Variants in PCDHA6 observed in about 807,000 individuals in gnomAD.
PCDHA6 encodes the protein protocadherin alpha 6, also known as protocadherin alpha-6.
Under a neutral mutation model 60.3 loss-of-function variants are expected in PCDHA6, and 55 were observed. That is an observed-to-expected ratio of 0.91 (90% CI 0.73 to 1.14). The LOEUF is 1.14. Among genes scored for constraint, PCDHA6 ranks in the 50% most tolerant of loss-of-function variants. The pLI is 0.00. For synonymous variants in PCDHA6, 652 were observed against 557.9 expected (o/e 1.17, Z -2.38); for missense variants, 1,327 against 1,256.5 (o/e 1.06, Z -0.85).
At chr5:140,850,843 CA>C in intron 1 of PCDHA6, 1 of 1,597,346 alleles carries the variant, frequency 6.3e-7, no homozygotes, top group Non-Finnish European at 8.6e-7. Flanking sequence ...GCTGGATCTA[CA>C]GAGCGAACGG....
At chr5:140,971,958 C>CT (rs1176007834) in intron 1 of PCDHA6, among the ~76,000 whole-genome samples, 3 of 152,054 alleles carry the variant, frequency 2.0e-5, no homozygotes, top group African/African-American at 4.8e-5. Context: ...ACTCCAAAAA[C>CT]TTTTTTTCAA....
At chr5:140,970,466 A>G (rs549761303) in intron 1 of PCDHA6, among the ~76,000 whole-genome samples, 51 of 152,334 alleles carry the variant, frequency 3.3e-4, no homozygotes, top group Non-Finnish European at 4.4e-4. Context: ...TTAAGTAGGT[A>G]TAAGGCCAGC....
At chr5:140,850,951 T>C in intron 1 of PCDHA6, 1 of 1,500,264 alleles carries the variant, frequency 6.7e-7, no homozygotes. Flanking sequence ...TATTATCGAT[T>C]ACTCCCAGGG....
Position 140,828,634 on chromosome 5 carries a change from T to C in PCDHA6, c.543T>C (p.Asp181=), listed in dbSNP as rs1769862472. ...GTTCTAGCGAATACTTCGGGCTAGA[T>C]GTGAAAATAAACAGTGATGACAATA... ...KLSSSEYFGL[D]VKINSDDNKQ... Residue 181 remains aspartate, a synonymous_variant, in exon 1 of 4, where the codon GAT becomes GAC. Coordinates refer to ENST00000529310, the MANE Select transcript of PCDHA6 (RefSeq NM_018909.4). 1 of 1,614,188 alleles carries C rather than the reference T, an allele frequency of 6.2e-7. No individual in the cohort carries two copies. Among genetic ancestry groups the C allele is most frequent in the Non-Finnish European group, 8.5e-7 (1 of 1,180,022 alleles).
At chr5:140,855,462 A>C (rs2043478847) in intron 1 of PCDHA6, among the ~76,000 whole-genome samples, 1 of 149,974 alleles carries the variant, frequency 6.7e-6, no homozygotes, top group Admixed American at 6.7e-5. Context: ...AACACCTCAC[A>C]GATAGTTGAT....
chr5:140,873,431 A>G (rs1395359965), intron 1 of PCDHA6, among the ~76,000 whole-genome samples: 1 of 152,228 alleles, frequency 6.6e-6, no homozygotes, highest in African/African-American at 2.4e-5. Context: ...ATTATTTTAT[A>G]TCACATAAAT....
chr5:140,884,935 A>G lies in PCDHA6; in HGVS notation c.2394+54450A>G, dbSNP rs577267570. ...AATAGTTCTAAGTATTTATCTTGCA[A>G]TTGAGCATTTACAAAAAATTCCTCA... On this transcript the variant is annotated intron_variant, in intron 1 of 3. Coordinates refer to ENST00000529310, the MANE Select transcript of PCDHA6 (RefSeq NM_018909.4). Among the ~76,000 whole-genome samples, 4 of 152,344 alleles carry G rather than the reference A, an allele frequency of 2.6e-5. No homozygotes were observed. In the East Asian group the frequency reaches 5.8e-4, roughly 22 times the overall value.
chr5:140,934,868 G>A (rs2090080725), intron 1 of PCDHA6, among the ~76,000 whole-genome samples: 1 of 152,128 alleles, frequency 6.6e-6, no homozygotes, highest in African/African-American at 2.4e-5. Flanking sequence ...CTTTGTGAGT[G>A]TGTTTGTGTA....
intron 1 of PCDHA6, among the ~76,000 whole-genome samples, chr5:140,902,974 AGGTT>A (rs2069912537): frequency 6.6e-6 from 1 of 152,178 alleles, no homozygotes. Context: ...ATGGGCATTT[AGGTT>A]GGTTCCATAT....
intron 1 of PCDHA6, chr5:140,929,369 G>A: frequency 6.6e-7 from 1 of 1,515,248 alleles, no homozygotes; most frequent in Admixed American, 2.2e-5. Context: ...CCCGGAGATG[G>A]CTGCTAGCTG....
chr5:140,850,457 C>A lies in PCDHA6; in HGVS notation c.2394+19972C>A. ...GCCTACTGGTGCTGGTGAAAGACCA[C>A]GGGGAGCCAGCGCTGACGGCCACGG... On this transcript the variant is annotated intron_variant, in intron 1 of 3. Transcript: ENST00000529310. The A allele has an allele frequency of 3.1e-6, 5 of 1,597,798 alleles. 1 individual carries two copies. Among genetic ancestry groups the A allele is most frequent in the Non-Finnish European group, 4.3e-6 (5 of 1,167,620 alleles).
intron 3 of PCDHA6, among the ~76,000 whole-genome samples, chr5:140,999,429 A>G (rs1554256798): frequency 6.6e-6 from 1 of 152,190 alleles, no homozygotes. Flanking sequence ...GAGGCCAAGT[A>G]CCTTGCCTCT....
rs141677964 is a variant in PCDHA6 at position 140,829,924 on chromosome 5, G to A, written c.1833G>A (p.Leu611=). 8 of 1,613,896 alleles carry A rather than the reference G, an allele frequency of 5.0e-6. No individual in the cohort carries two copies. The highest frequency in any genetic ancestry group is 6.8e-6 in the Non-Finnish European group (8 of 1,179,924). Residue 611 remains leucine, a synonymous_variant, in exon 1 of 4, where the codon CTG becomes CTA. Coordinates refer to ENST00000529310, the MANE Select transcript of PCDHA6 (RefSeq NM_018909.4). ...SGYNAWLSYE[L]QPPASSARFP... is the part of the protein sequence containing the mutation. ...ACAACGCGTGGCTTTCGTATGAGCT[G>A]CAGCCCCCGGCAAGCAGCGCTCGCT...
chr5:140,835,129 T>G (rs2150231206), intron 1 of PCDHA6: 1 of 1,358,528 alleles, frequency 7.4e-7, no homozygotes, highest in East Asian at 2.5e-5. Context: ...CTGTATACGG[T>G]GAAATTACCA....
rs782194896 is a variant in PCDHA6 at position 140,992,662 on chromosome 5, G to A, written c.2542+10099G>A. Among the ~76,000 whole-genome samples, 4 of 152,160 alleles carry A rather than the reference G, an allele frequency of 2.6e-5. 1 individual carries two copies. The highest frequency in any genetic ancestry group is 5.9e-5 in the Non-Finnish European group (4 of 68,028). ...GAAAATAGAAGAAAGAGCCTGATTGGTGTGTATGTGTGTGTTAGGGGTTGA... is the reference window on the plus strand; with the variant it reads ...GAAAATAGAAGAAAGAGCCTGATTGATGTGTATGTGTGTGTTAGGGGTTGA... On this transcript the variant is annotated intron_variant, in intron 3 of 3. Transcript: ENST00000529310.
At chr5:140,916,273 G>C (rs962847536) in intron 1 of PCDHA6, among the ~76,000 whole-genome samples, 7 of 152,176 alleles carry the variant, frequency 4.6e-5, no homozygotes, top group African/African-American at 1.7e-4. Flanking sequence ...CATGCTTGTT[G>C]CTCTACTCCA....
rs566522528 is a variant in PCDHA6, at chr5:140,881,283, A to C, written c.2394+50798A>C. On this transcript the variant is annotated intron_variant, in intron 1 of 3. Coordinates refer to ENST00000529310, the MANE Select transcript of PCDHA6 (RefSeq NM_018909.4). ...TCAGTGATGATGAAGTAAGATGGAG[A>C]GAGAAAATGGAAACTTTAACCTCCT... 1.3e-5 allele frequency: 10 copies of C among 799,388 alleles called. No homozygotes were observed. The African/African-American group carries it at 1.9e-4, about 15-fold the overall frequency. The allele number at this position is 799,388 out of a possible 1,614,324, so 49.5% of individuals were successfully genotyped here.
chr5:140,926,726 C>T, intron 1 of PCDHA6: 1 of 1,046,502 alleles, frequency 9.6e-7, no homozygotes, highest in Non-Finnish European at 1.3e-6. Flanking sequence ...GCAATGCCGG[C>T]GTTCGGGAGG....
chr5:140,927,093 G>T (rs781998184), intron 1 of PCDHA6: 1 of 1,612,818 alleles, frequency 6.2e-7, no homozygotes, highest in Non-Finnish European at 8.5e-7. Flanking sequence ...TCTACTTCGG[G>T]GTGGATCTAC....
Sources: gnomAD v4.1 joint callset for allele counts (sites outside exome capture counted in the v4.1 genomes callset) on GRCh38, gnomAD v4.1.1 for gene constraint, MANE v1.5 for transcripts, NCBI Gene and HGNC (gene_info 2026-07-23, HGNC 2026-07-21) for gene names.